Variants in PITPNC1 observed in about 807,000 individuals in gnomAD.
PITPNC1 encodes cytoplasmic phosphatidylinositol transfer protein 1.
In PITPNC1, 18 loss-of-function variants were observed where a neutral mutation model predicts 44.7. That is an observed-to-expected ratio of 0.40 (90% CI 0.28 to 0.60). The LOEUF (loss-of-function observed/expected upper bound fraction) is 0.60, where lower values mean the gene tolerates loss of function less well. Among genes scored for constraint, PITPNC1 ranks in the 20% least tolerant of loss-of-function variants. The pLI is 0.39. For missense variants in PITPNC1, 290 were observed against 418.4 expected, an observed-to-expected ratio of 0.69 and a Z score of 2.68; for synonymous variants, 141 against 149.6, an observed-to-expected ratio of 0.94 and a Z score of 0.42.
At chr17:67,564,505 C>T (rs1402041699) in intron 4 of PITPNC1, among the ~76,000 whole-genome samples, 1 of 152,150 alleles carries the variant, frequency 6.6e-6, no homozygotes, top group Non-Finnish European at 1.5e-5. Context: ...GGTGCCCACC[C>T]ACATTGAGGA....
intron 5 of PITPNC1, among the ~76,000 whole-genome samples, chr17:67,589,604 C>CAAAAAA (rs10714478): frequency 7.9e-6 from 1 of 126,432 alleles, no homozygotes. Context: ...ATAATTGACT[C>CAAAAAA]AAAAAAAAAA....
At chr17:67,673,966 C>CAAAA (rs34458518) in intron 7 of PITPNC1, among the ~76,000 whole-genome samples, 4 of 84,862 alleles carry the variant, frequency 4.7e-5, no homozygotes, top group South Asian at 4.3e-4. Context: ...GACTCCGTCT[C>CAAAA]AAAAAAAAAA....
At chr17:67,585,488 G>C (rs1361077595) in intron 5 of PITPNC1, among the ~76,000 whole-genome samples, 2 of 152,166 alleles carry the variant, frequency 1.3e-5, no homozygotes, top group African/African-American at 4.8e-5. Context: ...GTTCAGATAA[G>C]AAGAGAACAC....
chr17:67,554,850 A>G (rs2040814813), intron 4 of PITPNC1, among the ~76,000 whole-genome samples: 1 of 152,186 alleles, frequency 6.6e-6, no homozygotes, highest in African/African-American at 2.4e-5. Context: ...CTGGCTCCCA[A>G]CTGCCAGTTC....
At chr17:67,498,283 A>G (rs1452589148) in intron 1 of PITPNC1, among the ~76,000 whole-genome samples, 2 of 152,084 alleles carry the variant, frequency 1.3e-5, no homozygotes, top group Non-Finnish European at 2.9e-5. Flanking sequence ...GGAACTCTTT[A>G]TATATTAGCA....
At chr17:67,483,151 G>C (rs567858206) in intron 1 of PITPNC1, among the ~76,000 whole-genome samples, 11 of 152,254 alleles carry the variant, frequency 7.2e-5, no homozygotes, top group Middle Eastern at 3.4e-3. Flanking sequence ...GTCCTTTCTG[G>C]ATGCTTTGTT....
chr17:67,526,868 G>A (rs1294547336), intron 1 of PITPNC1, among the ~76,000 whole-genome samples: 1 of 152,146 alleles, frequency 6.6e-6, no homozygotes, highest in African/African-American at 2.4e-5. Context: ...GCTCTATCAA[G>A]TGTACAGCGT....
chr17:67,620,572 C>T (rs1416505902), intron 5 of PITPNC1, among the ~76,000 whole-genome samples: 1 of 152,180 alleles, frequency 6.6e-6, no homozygotes, highest in Non-Finnish European at 1.5e-5. Flanking sequence ...TTTTCTCAGA[C>T]ACTCTCAGGC....
chr17:67,494,214 T>TCTCTCTCTCTC (rs1568012975), intron 1 of PITPNC1, among the ~76,000 whole-genome samples: 2 of 149,836 alleles, frequency 1.3e-5, no homozygotes, highest in African/African-American at 5.0e-5. Flanking sequence ...TCTTTCTTTC[T>TCTCTCTCTCTC]TTTTGAGACG....
chr17:67,498,162 G>C (rs35523495), intron 1 of PITPNC1, among the ~76,000 whole-genome samples: 7,665 of 152,246 alleles, frequency 0.05, 257 homozygotes, highest in Middle Eastern at 0.11. Flanking sequence ...GGGCCACTGC[G>C]CTTGGCCTCT....
At chr17:67,409,068 A>ATTTTT (rs2038449910) in intron 1 of PITPNC1, among the ~76,000 whole-genome samples, 3 of 102,250 alleles carry the variant, frequency 2.9e-5, no homozygotes, top group Non-Finnish European at 6.3e-5. Context: ...GTCCAAATTC[A>ATTTTT]TTCTTTTTTT....
At chr17:67,488,107 G>T (rs1026960312) in intron 1 of PITPNC1, among the ~76,000 whole-genome samples, 5 of 152,152 alleles carry the variant, frequency 3.3e-5, no homozygotes, top group African/African-American at 1.2e-4. Flanking sequence ...AAGCAAAAAG[G>T]AAAGAAAAGA....
chr17:67,523,360 G>T (rs772098348), intron 1 of PITPNC1, among the ~76,000 whole-genome samples: 1 of 152,160 alleles, frequency 6.6e-6, no homozygotes. Context: ...TCTGGAACCC[G>T]CAGCATAACA....
chr17:67,437,081 G>T (rs922106966), intron 1 of PITPNC1, among the ~76,000 whole-genome samples: 1 of 151,524 alleles, frequency 6.6e-6, no homozygotes, highest in Middle Eastern at 3.2e-3. Flanking sequence ...CACCATGGCT[G>T]GCTAATTTTT....
At chr17:67,629,285 G>A (rs1024842797) in intron 5 of PITPNC1, among the ~76,000 whole-genome samples, 2 of 44,558 alleles carry the variant, frequency 4.5e-5, no homozygotes, top group Non-Finnish European at 1.1e-4. Context: ...TGTTGTTGTT[G>A]TTTTTGAGAC....
intron 6 of PITPNC1, among the ~76,000 whole-genome samples, chr17:67,647,603 A>G (rs1462027805): frequency 6.9e-6 from 1 of 145,048 alleles, no homozygotes; most frequent in Non-Finnish European, 1.5e-5. Context: ...GAGCCACCAC[A>G]CCCAGCCCAG....
intron 6 of PITPNC1, among the ~76,000 whole-genome samples, chr17:67,646,197 CCTTT>C (rs1299232581): frequency 3.3e-5 from 5 of 152,258 alleles, no homozygotes; most frequent in Admixed American, 3.3e-4. Context: ...TTCTCCAAGC[CCTTT>C]CTTTGTTTAG....
At chr17:67,431,867 A>G (rs2038861712) in intron 1 of PITPNC1, among the ~76,000 whole-genome samples, 3 of 152,230 alleles carry the variant, frequency 2.0e-5, no homozygotes, top group Admixed American at 6.5e-5. Context: ...CTGTCTTAAC[A>G]ATTGACTGTG....
chr17:67,605,192 C>T (rs1372051294), intron 5 of PITPNC1, among the ~76,000 whole-genome samples: 2 of 152,210 alleles, frequency 1.3e-5, no homozygotes, highest in African/African-American at 4.8e-5. Context: ...TCCTAGAGCC[C>T]TATGTCTGAA....
Sources: allele counts gnomAD v4.1 joint callset (sites outside exome capture counted in the v4.1 genomes callset), GRCh38; gene constraint gnomAD v4.1.1; transcripts MANE v1.5; gene names NCBI Gene and HGNC (gene_info 2026-07-23, HGNC 2026-07-21).